The following NFIA variants were observed in gnomAD, a reference collection of about 807,000 sequenced individuals.
The protein encoded by NFIA is nuclear factor 1 A-type.
A neutral mutation model predicts 62.8 loss-of-function variants in NFIA; 8 were observed. The observed-to-expected ratio is 0.13, with a 90% CI of 0.07 to 0.23. The LOEUF is 0.23. NFIA is among the 10% of genes least tolerant of loss of function. NFIA has a pLI of 1.00. For missense variants in NFIA, 410 were observed against 642.1 expected (o/e 0.64, Z 3.91); for synonymous variants, 235 against 238.1 (o/e 0.99, Z 0.12).
intron 2 of NFIA, among the ~76,000 whole-genome samples, chr1:61,229,833 A>G (rs1354220886): frequency 6.6e-6 from 1 of 152,236 alleles, no homozygotes; most frequent in Non-Finnish European, 1.5e-5. Context: ...TAAAACCAGT[A>G]ACAAAGGAGA....
At chr1:61,243,478 C>T (rs1219755320) in intron 2 of NFIA, among the ~76,000 whole-genome samples, 6 of 152,116 alleles carry the variant, frequency 3.9e-5, no homozygotes, top group Admixed American at 3.9e-4. Flanking sequence ...CACCTCATTA[C>T]AGTAAATCAT....
intron 7 of NFIA, among the ~76,000 whole-genome samples, chr1:61,386,109 T>C (rs1171776910): frequency 6.6e-6 from 1 of 152,226 alleles, no homozygotes; most frequent in Non-Finnish European, 1.5e-5. Context: ...ATTTATTTGC[T>C]GTGGGTACTG....
Position 61,112,124 on chromosome 1 carries a change from ATTTT to A in NFIA, c.559+23453_559+23456del, listed in dbSNP as rs36050665. On this transcript the variant is annotated intron_variant, in intron 2 of 10. Transcript: ENST00000403491. Reference sequence around the variant, plus strand: ...AATCCTATTTGTCCAAAATAGAAAGATTTTTTTTTTTTAAAAAAAAACTATGCTC... The same window carrying A: ...AATCCTATTTGTCCAAAATAGAAAGATTTTTTTTAAAAAAAAACTATGCTC... Among the ~76,000 whole-genome samples the A allele has an allele frequency of 6.8e-3, 1,028 of 150,158 alleles. 20 individuals carry two copies. Among genetic ancestry groups the A allele is most frequent in the African/African-American group, 0.022 (920 of 41,132 alleles).
chr1:61,432,414 A>G (rs555786680), intron 10 of NFIA, among the ~76,000 whole-genome samples: 39 of 151,542 alleles, frequency 2.6e-4, no homozygotes, highest in Middle Eastern at 6.8e-3. Flanking sequence ...TCACTTGCCC[A>G]CCCAAGCTCA....
chr1:61,200,406 C>G (rs1167641347), intron 2 of NFIA, among the ~76,000 whole-genome samples: 2 of 151,660 alleles, frequency 1.3e-5, no homozygotes, highest in Non-Finnish European at 2.9e-5. Context: ...TTTTAGACTT[C>G]ACACAGAAAA....
At chr1:61,261,745 G>A (rs1406099036) in intron 2 of NFIA, among the ~76,000 whole-genome samples, 3 of 152,206 alleles carry the variant, frequency 2.0e-5, no homozygotes, top group South Asian at 2.1e-4. Context: ...GCAAGCTGGC[G>A]ATCTGCCTTC....
chr1:61,405,682 A>G (rs563479953), intron 8 of NFIA, among the ~76,000 whole-genome samples: 1 of 152,314 alleles, frequency 6.6e-6, no homozygotes, highest in South Asian at 2.1e-4. Context: ...CTGACACCCT[A>G]TATAACTGTC....
intron 3 of NFIA, among the ~76,000 whole-genome samples, chr1:61,285,970 A>G (rs1658463147): frequency 1.3e-5 from 2 of 152,216 alleles, no homozygotes; most frequent in South Asian, 2.1e-4. Flanking sequence ...AGAGATGAAC[A>G]AGAAGAAGCC....
chr1:61,246,928 A>G (rs1655683368), intron 2 of NFIA, among the ~76,000 whole-genome samples: 1 of 152,200 alleles, frequency 6.6e-6, no homozygotes, highest in Admixed American at 6.5e-5. Flanking sequence ...TTGGATGCTC[A>G]AGAATCCTGA....
At chr1:61,171,579 TC>T (rs2100549264) in intron 2 of NFIA, among the ~76,000 whole-genome samples, 1 of 152,326 alleles carries the variant, frequency 6.6e-6, no homozygotes, top group Admixed American at 6.5e-5. Context: ...AGGAGAAGTT[TC>T]CTTATTTAGG....
chr1:61,255,794 G>A (rs985010459), intron 2 of NFIA, among the ~76,000 whole-genome samples: 1 of 152,102 alleles, frequency 6.6e-6, no homozygotes, highest in African/African-American at 2.4e-5. Context: ...CGGGATCATA[G>A]GATTCTTACT....
intron 2 of NFIA, among the ~76,000 whole-genome samples, chr1:61,126,462 A>ACACACTCT (rs1553153075): frequency 2.1e-5 from 3 of 145,820 alleles, no homozygotes; most frequent in Non-Finnish European, 4.5e-5. Flanking sequence ...ACACACACAC[A>ACACACTCT]CACACACACA....
intron 2 of NFIA, among the ~76,000 whole-genome samples, chr1:61,173,882 G>A (rs1650147429): frequency 6.6e-6 from 1 of 152,210 alleles, no homozygotes. Flanking sequence ...TGGGGTGAGG[G>A]TGGTACCTAA....
intron 2 of NFIA, among the ~76,000 whole-genome samples, chr1:61,105,300 TGAG>T (rs1043386892): frequency 5.9e-5 from 9 of 151,966 alleles, no homozygotes; most frequent in South Asian, 2.1e-4. Flanking sequence ...AGGTAGGTAT[TGAG>T]GAGGTAAATA....
intron 3 of NFIA, among the ~76,000 whole-genome samples, chr1:61,332,267 A>AT (rs529303535): frequency 1.0e-3 from 157 of 152,036 alleles, no homozygotes; most frequent in African/African-American, 3.6e-3. Flanking sequence ...TTCCGGTTGA[A>AT]TTTTTTTTAA....
At chr1:61,341,254 G>A (rs1223758904) in intron 4 of NFIA, among the ~76,000 whole-genome samples, 6 of 151,618 alleles carry the variant, frequency 4.0e-5, no homozygotes, top group African/African-American at 1.2e-4. Context: ...TAGTAGAGAC[G>A]GGGTTTCACC....
At chr1:61,430,230 C>G (rs920012597) in intron 10 of NFIA, among the ~76,000 whole-genome samples, 1 of 152,218 alleles carries the variant, frequency 6.6e-6, no homozygotes, top group Non-Finnish European at 1.5e-5. Flanking sequence ...CAGAAAAGCA[C>G]TAATTATCAT....
chr1:61,243,780 T>G (rs1655486212), intron 2 of NFIA, among the ~76,000 whole-genome samples: 1 of 152,208 alleles, frequency 6.6e-6, no homozygotes, highest in African/African-American at 2.4e-5. Flanking sequence ...ATAAGGCATA[T>G]TTTTGCAAAT....
intron 8 of NFIA, among the ~76,000 whole-genome samples, chr1:61,406,098 T>C (rs1487266004): frequency 6.6e-6 from 1 of 152,210 alleles, no homozygotes; most frequent in Non-Finnish European, 1.5e-5. Flanking sequence ...TAGGAAAATT[T>C]ATTCTATCTA....
Sources: gnomAD v4.1 joint callset for allele counts (sites outside exome capture counted in the v4.1 genomes callset) on GRCh38, gnomAD v4.1.1 for gene constraint, MANE v1.5 for transcripts, NCBI Gene and HGNC (gene_info 2026-07-23, HGNC 2026-07-21) for gene names.